DTWD2: variants seen among roughly 807,000 people sequenced by gnomAD.
DTWD2 encodes DTW motif tRNA-uridine aminocarboxypropyltransferase 2, also known as tRNA-uridine aminocarboxypropyltransferase 2.
A neutral mutation model predicts 31.8 loss-of-function variants in DTWD2; 39 were observed. That is an observed-to-expected ratio of 1.22 (90% CI 0.95 to 1.60). The LOEUF is 1.60. Ranked by LOEUF, DTWD2 falls within the 40% of genes most tolerant of loss-of-function variation. DTWD2 has a pLI of 0.00. For synonymous variants in DTWD2, 180 were observed against 142.8 expected (o/e 1.26, Z -1.86); for missense variants, 515 against 381.5 (o/e 1.35, Z -2.92).
At chr5:118,966,890 C>A (rs6872295) in intron 1 of DTWD2, among the ~76,000 whole-genome samples, 3,020 of 152,022 alleles carry the variant, frequency 0.02, 102 homozygotes, top group African/African-American at 0.07. Context: ...ATTAGCCAGG[C>A]ACGGTGGCAG....
chr5:118,986,963 A>T (rs2149606740), intron 1 of DTWD2, among the ~76,000 whole-genome samples: 1 of 152,364 alleles, frequency 6.6e-6, no homozygotes, highest in South Asian at 2.1e-4. Context: ...TAACTGAAAA[A>T]AAGATTAAAT....
chr5:118,949,928 C>T (rs775583834), intron 1 of DTWD2, among the ~76,000 whole-genome samples: 1 of 152,114 alleles, frequency 6.6e-6, no homozygotes, highest in East Asian at 1.9e-4. Context: ...ATTGTCTAAG[C>T]GGCCGGGCGC....
chr5:118,981,148 T>G (rs138019629), intron 1 of DTWD2, among the ~76,000 whole-genome samples: 1 of 152,154 alleles, frequency 6.6e-6, no homozygotes, highest in Admixed American at 6.5e-5. Flanking sequence ...AGTAAATTCA[T>G]AGAAACAAAA....
intron 4 of DTWD2, among the ~76,000 whole-genome samples, chr5:118,909,100 C>G: frequency 6.6e-6 from 1 of 152,284 alleles, no homozygotes; most frequent in African/African-American, 2.4e-5. Flanking sequence ...TTTCTCCATC[C>G]TTTTAGGGTT....
chr5:118,950,990 G>C (rs1006698971), intron 1 of DTWD2, among the ~76,000 whole-genome samples: 2 of 152,126 alleles, frequency 1.3e-5, no homozygotes, highest in African/African-American at 4.8e-5. Flanking sequence ...GTCTAGGAAG[G>C]TAAAGTCTCT....
intron 3 of DTWD2, among the ~76,000 whole-genome samples, chr5:118,935,543 T>G (rs182145158): frequency 6.6e-6 from 1 of 152,308 alleles, no homozygotes; most frequent in African/African-American, 2.4e-5. Flanking sequence ...CTCGCTTGCT[T>G]GTGGGGAGAA....
At chr5:118,937,380 C>T (rs1244378289) in intron 3 of DTWD2, among the ~76,000 whole-genome samples, 4 of 34,216 alleles carry the variant, frequency 1.2e-4, no homozygotes, top group African/African-American at 3.6e-4. Flanking sequence ...TATGTTATCA[C>T]TGCAAAAAAA....
At chr5:118,918,651 G>A (rs1426341207) in intron 4 of DTWD2, among the ~76,000 whole-genome samples, 1 of 151,960 alleles carries the variant, frequency 6.6e-6, no homozygotes, top group African/African-American at 2.4e-5. Flanking sequence ...CAACTTTATT[G>A]CAACTGCTAC....
At chr5:118,974,471 T>C in intron 1 of DTWD2, 3 of 471,412 alleles carry the variant, frequency 6.4e-6, no homozygotes, top group Non-Finnish European at 1.3e-5. Flanking sequence ...CAAACCAGCC[T>C]TCGGAGCGTT....
chr5:118,935,073 T>C (rs963013614), intron 3 of DTWD2, among the ~76,000 whole-genome samples: 3 of 151,940 alleles, frequency 2.0e-5, no homozygotes, highest in Non-Finnish European at 4.4e-5. Context: ...TGATCACCAG[T>C]GGCCAATGGC....
chr5:118,945,773 A>AG (rs1416603582), intron 1 of DTWD2, among the ~76,000 whole-genome samples: 12 of 139,772 alleles, frequency 8.6e-5, no homozygotes, highest in African/African-American at 2.5e-4. Context: ...TCAAAAAAAA[A>AG]AAAAGAAAGA....
At chr5:118,841,127 A>C in intron 5 of DTWD2, 40 bp from the exon 6 acceptor site, 1 of 1,563,056 alleles carries the variant, frequency 6.4e-7, no homozygotes, top group Non-Finnish European at 8.7e-7. Context: ...TATCTGTGAC[A>C]AATCATGATA....
intron 4 of DTWD2, among the ~76,000 whole-genome samples, chr5:118,901,554 T>C: frequency 6.6e-6 from 1 of 152,266 alleles, no homozygotes; most frequent in East Asian, 1.9e-4. Context: ...AAATATCATA[T>C]ATATTAGAGT....
chr5:118,953,655 G>A (rs1754515932), intron 1 of DTWD2, among the ~76,000 whole-genome samples: 5 of 152,194 alleles, frequency 3.3e-5, no homozygotes, highest in Admixed American at 3.3e-4. Context: ...TGTTACAAAA[G>A]ATGTTGGCTC....
At chr5:118,899,804 T>C (rs73239018) in intron 4 of DTWD2, among the ~76,000 whole-genome samples, 5,656 of 147,614 alleles carry the variant, frequency 0.038, 357 homozygotes, top group African/African-American at 0.13. Flanking sequence ...TTTTTCTTTT[T>C]TTTTTTTTTT....
chr5:118,961,640 T>C (rs560427293), intron 1 of DTWD2, among the ~76,000 whole-genome samples: 1 of 152,338 alleles, frequency 6.6e-6, no homozygotes, highest in Admixed American at 6.5e-5. Flanking sequence ...ACATCCATCC[T>C]TATAAGCAGG....
intron 3 of DTWD2, among the ~76,000 whole-genome samples, chr5:118,929,229 G>A (rs1233497971): frequency 6.6e-6 from 1 of 152,184 alleles, no homozygotes; most frequent in African/African-American, 2.4e-5. Context: ...ACTAAATATG[G>A]CCTGAGAAGG....
chr5:118,981,507 G>A (rs778340481), intron 1 of DTWD2, among the ~76,000 whole-genome samples: 1 of 150,844 alleles, frequency 6.6e-6, no homozygotes, highest in Admixed American at 6.7e-5. Context: ...TTCCAATAGT[G>A]AAAAATGAAA....
intron 1 of DTWD2, among the ~76,000 whole-genome samples, chr5:118,979,979 G>T (rs563348917): frequency 7.2e-5 from 11 of 152,324 alleles, no homozygotes; most frequent in African/African-American, 2.6e-4. Context: ...TGCCCATCCT[G>T]CACATGTACC....
Sources: gnomAD v4.1 joint callset for allele counts (sites outside exome capture counted in the v4.1 genomes callset) on GRCh38, gnomAD v4.1.1 for gene constraint, MANE v1.5 for transcripts, NCBI Gene and HGNC (gene_info 2026-07-23, HGNC 2026-07-21) for gene names.